SNAP29: variants seen among roughly 807,000 people sequenced by gnomAD.
SNAP29 encodes synaptosomal-associated protein 29.
Under a neutral mutation model 27.9 loss-of-function variants are expected in SNAP29, and 13 were observed. The observed-to-expected ratio is 0.47, with a 90% CI of 0.30 to 0.74. SNAP29 has a LOEUF of 0.74. Ranked by LOEUF, SNAP29 falls within the 30% of genes least tolerant of loss-of-function variation. The pLI is 0.06. For missense variants in SNAP29, 368 were observed against 336.5 expected, an observed-to-expected ratio of 1.09 and a Z score of -0.73; for synonymous variants, 119 against 127.1, an observed-to-expected ratio of 0.94 and a Z score of 0.43.
chr22:20,874,448 G>A lies in SNAP29; in HGVS notation c.434+3915G>A, dbSNP rs577563190. ...TGCTTGTGGTCCCAGCTACTGAGGTGGCTGAGGTGGACCCGACCTTTTGGC... is the reference window on the plus strand; with the variant it reads ...TGCTTGTGGTCCCAGCTACTGAGGTAGCTGAGGTGGACCCGACCTTTTGGC... On this transcript the variant is annotated intron_variant, in intron 2 of 4. Transcript: ENST00000215730. Among the ~76,000 whole-genome samples the A allele has an allele frequency of 2.0e-5, 3 of 151,652 alleles. No homozygotes were observed. In the South Asian group the frequency reaches 6.3e-4, roughly 32 times the overall value.
At chr22:20,882,565 G>C (rs1928914436) in intron 3 of SNAP29, among the ~76,000 whole-genome samples, 1 of 152,100 alleles carries the variant, frequency 6.6e-6, no homozygotes, top group Non-Finnish European at 1.5e-5. Context: ...GAAGAGCGGG[G>C]AGCAGGAGAG....
At chr22:20,860,589 TG>T (rs1407769326) in intron 1 of SNAP29, among the ~76,000 whole-genome samples, 1 of 151,982 alleles carries the variant, frequency 6.6e-6, no homozygotes, top group African/African-American at 2.4e-5. Context: ...CAGGCTGGTC[TG>T]GAACTCCTGA....
At chr22:20,872,820 C>CCTTT (rs1319405165) in intron 2 of SNAP29, among the ~76,000 whole-genome samples, 4 of 39,866 alleles carry the variant, frequency 1.0e-4, no homozygotes, top group Non-Finnish European at 1.8e-4. Flanking sequence ...CCACGCCAGG[C>CCTTT]TTTTTTTTTT....
intron 2 of SNAP29, among the ~76,000 whole-genome samples, chr22:20,878,270 G>A (rs967160445): frequency 2.6e-5 from 4 of 152,130 alleles, no homozygotes; most frequent in Non-Finnish European, 5.9e-5. Flanking sequence ...GGCCGGGCAC[G>A]GTGGCTCAAG....
chr22:20,887,224 C>CA (rs947412288), intron 4 of SNAP29, among the ~76,000 whole-genome samples: 9,036 of 104,338 alleles, frequency 0.087, 294 homozygotes, highest in East Asian at 0.18. Flanking sequence ...AATGCTGTCT[C>CA]AAAAAAAAAA....
intron 1 of SNAP29, among the ~76,000 whole-genome samples, chr22:20,863,594 A>G (rs571515783): frequency 1.3e-5 from 2 of 152,292 alleles, no homozygotes; most frequent in South Asian, 4.1e-4. Flanking sequence ...CCGACCTGGT[A>G]GGCGCTTTGT....
chr22:20,871,880 TC>T (rs1928600932), intron 2 of SNAP29, among the ~76,000 whole-genome samples: 1 of 150,592 alleles, frequency 6.6e-6, no homozygotes, highest in African/African-American at 2.4e-5. Context: ...AGACTCCGTC[TC>T]AAAAAAAAAA....
Position 20,890,014 on chromosome 22 carries a change from C to T in SNAP29, c.*2178C>T. On this transcript the variant is annotated 3_prime_UTR_variant, in exon 5 of 5. Transcript: ENST00000215730. ...CTTCACTTTTCTGGAAATTTGTCTTCGTCTGACATATTAGAGGGCCTCGTT... is the reference window on the plus strand; with the variant it reads ...CTTCACTTTTCTGGAAATTTGTCTTTGTCTGACATATTAGAGGGCCTCGTT... 1 of 358,838 alleles carries T rather than the reference C, an allele frequency of 2.8e-6. No individual in the cohort carries two copies. The highest frequency in any genetic ancestry group is 4.0e-5 in the East Asian group (1 of 24,710). The allele number at this position is 358,838 out of a possible 1,614,324, so 22.2% of individuals were successfully genotyped here. A position where few individuals can be genotyped will look rare whatever the true frequency, so the allele number is the denominator to read the frequency against.
At chr22:20,886,324 C>G (rs1929014849) in intron 4 of SNAP29, among the ~76,000 whole-genome samples, 1 of 150,956 alleles carries the variant, frequency 6.6e-6, no homozygotes, top group Non-Finnish European at 1.5e-5. Context: ...TTTTTAATTT[C>G]TTTCTGAGAG....
chr22:20,865,430 G>C (rs193171306), intron 1 of SNAP29, among the ~76,000 whole-genome samples: 1 of 152,060 alleles, frequency 6.6e-6, no homozygotes, highest in East Asian at 1.9e-4. Context: ...TGCCTTCTGA[G>C]GATGGGCTGG....
At chr22:20,887,436 C>T (rs1929043524) in intron 4 of SNAP29, among the ~76,000 whole-genome samples, 1 of 151,966 alleles carries the variant, frequency 6.6e-6, no homozygotes, top group African/African-American at 2.4e-5. Flanking sequence ...GCATATCTCC[C>T]TACCCCCAGC....
intron 3 of SNAP29, among the ~76,000 whole-genome samples, chr22:20,882,813 C>T (rs1019598932): frequency 6.6e-6 from 1 of 152,088 alleles, no homozygotes; most frequent in African/African-American, 2.4e-5. Flanking sequence ...TTGGTTGGTG[C>T]TGGAGGAAAT....
chr22:20,884,547 T>C (rs1399358166), intron 4 of SNAP29, among the ~76,000 whole-genome samples: 1 of 152,110 alleles, frequency 6.6e-6, no homozygotes, highest in Non-Finnish European at 1.5e-5. Context: ...GTAGGCTGGC[T>C]CCTTCTCTTT....
At chr22:20,874,143 C>T (rs1390174457) in intron 2 of SNAP29, among the ~76,000 whole-genome samples, 19 of 148,622 alleles carry the variant, frequency 1.3e-4, no homozygotes, top group South Asian at 6.5e-4. Flanking sequence ...GGTGTGGTGG[C>T]GGGCGCCTGT....
chr22:20,873,964 C>CAAAAAA (rs362036), intron 2 of SNAP29, among the ~76,000 whole-genome samples: 3 of 25,976 alleles, frequency 1.2e-4, no homozygotes, highest in African/African-American at 1.7e-4. Flanking sequence ...GACTCTGTCT[C>CAAAAAA]AAAAAAAAAA....
At chr22:20,867,117 G>C (rs548876949) in intron 1 of SNAP29, among the ~76,000 whole-genome samples, 18 of 152,330 alleles carry the variant, frequency 1.2e-4, no homozygotes, top group African/African-American at 3.8e-4. Context: ...ACTTGGGATT[G>C]TTTCGTGGAC....
At chr22:20,863,745 G>A (rs1278218652) in intron 1 of SNAP29, among the ~76,000 whole-genome samples, 1 of 152,084 alleles carries the variant, frequency 6.6e-6, no homozygotes, top group African/African-American at 2.4e-5. Flanking sequence ...CATACAAAAG[G>A]GTGTAGTCTT....
intron 1 of SNAP29, among the ~76,000 whole-genome samples, chr22:20,868,626 T>G (rs1928515228): frequency 6.6e-6 from 1 of 152,158 alleles, no homozygotes; most frequent in South Asian, 2.1e-4. Flanking sequence ...AAAAAACATT[T>G]GCATAGTTAG....
At chr22:20,886,105 G>A in intron 4 of SNAP29, among the ~76,000 whole-genome samples, 1 of 126,164 alleles carries the variant, frequency 7.9e-6, no homozygotes, top group Non-Finnish European at 1.6e-5. Flanking sequence ...AAGAGCTGAA[G>A]ACTTATCTTT....
Sources: gnomAD v4.1 joint callset for allele counts (sites outside exome capture counted in the v4.1 genomes callset) on GRCh38, gnomAD v4.1.1 for gene constraint, MANE v1.5 for transcripts, NCBI Gene and HGNC (gene_info 2026-07-23, HGNC 2026-07-21) for gene names.